Variants in ARMC2 observed in about 807,000 individuals in gnomAD.
ARMC2 encodes the protein armadillo repeat-containing protein 2.
In ARMC2, 67 loss-of-function variants were observed where a neutral mutation model predicts 90.3. The observed-to-expected ratio is 0.74, with a 90% CI of 0.61 to 0.91. The LOEUF is 0.91. Ranked by LOEUF, ARMC2 falls within the 40% of genes least tolerant of loss-of-function variation. The probability of loss-of-function intolerance (pLI) is 0.00; values close to 1 mark genes in which losing one functional copy is unlikely to be tolerated. For missense variants in ARMC2, 920 were observed against 1,030.9 expected (o/e 0.89, Z 1.47); for synonymous variants, 393 against 393.0 (o/e 1.00, Z 0.00).
chr6:108,886,292 T>A (rs1778091611), intron 5 of ARMC2, among the ~76,000 whole-genome samples: 1 of 152,212 alleles, frequency 6.6e-6, no homozygotes, highest in African/African-American at 2.4e-5. Flanking sequence ...GTCCGGTGGC[T>A]CACGCCTGTA....
At chr6:108,952,721 G>A (rs1253797267) in intron 12 of ARMC2, among the ~76,000 whole-genome samples, 5 of 152,188 alleles carry the variant, frequency 3.3e-5, no homozygotes, top group Admixed American at 2.6e-4. Flanking sequence ...TAGTAATGCT[G>A]TCCCACTCAA....
At position 108,928,070 on chromosome 6, in the gene ARMC2, A is replaced by G. The variant is rs746990258; in HGVS notation, c.1351-18A>G. ...TTTTCAGTTCAAAAAAAATGGCACA[A>G]GCATGCTTTTATCCTAGGTGACTGC... On this transcript the variant is annotated intron_variant, in intron 10 of 17. Transcript: ENST00000392644. 6.3e-7 allele frequency: 1 copy of G among 1,588,200 alleles called. No individual in the cohort carries two copies. The highest frequency in any genetic ancestry group is 1.2e-5 in the South Asian group (1 of 86,422).
At chr6:108,868,113 C>A (rs1173415515) in intron 3 of ARMC2, among the ~76,000 whole-genome samples, 2 of 151,610 alleles carry the variant, frequency 1.3e-5, no homozygotes, top group Admixed American at 6.6e-5. Flanking sequence ...CCACATAATT[C>A]TTGGTACATG....
the ARMC2 span, among the ~76,000 whole-genome samples, chr6:109,035,883 C>T: frequency 1.3e-5 from 2 of 152,196 alleles, no homozygotes; most frequent in East Asian, 1.9e-4. Flanking sequence ...GCTGGGATTA[C>T]AGACGTGACC....
At chr6:108,947,224 A>G (rs1193860875) in intron 12 of ARMC2, among the ~76,000 whole-genome samples, 1 of 152,012 alleles carries the variant, frequency 6.6e-6, no homozygotes, top group Non-Finnish European at 1.5e-5. Flanking sequence ...GGGATGAGAT[A>G]GAGAGGAATC....
At chr6:109,051,857 C>A in the ARMC2 span, among the ~76,000 whole-genome samples, 1 of 152,180 alleles carries the variant, frequency 6.6e-6, no homozygotes, top group South Asian at 2.1e-4. Context: ...CGAACAAAGG[C>A]AAGTTAGCCA....
Position 108,973,666 on chromosome 6 carries a change from A to G in ARMC2, c.*152A>G. ...AGTAGCTGAAGTATTTTTTAAAATT[A>G]AGCATTTCTTCTTGTTAGGTATTAT... On this transcript the variant is annotated 3_prime_UTR_variant, in exon 18 of 18. Coordinates refer to ENST00000392644, the MANE Select transcript of ARMC2 (RefSeq NM_032131.6). 1.4e-6 allele frequency: 1 copy of G among 701,538 alleles called. No homozygotes were observed. 43.5% of individuals were successfully genotyped at this position (701,538 alleles called of 1,614,324 possible).
chr6:108,912,579 C>T (rs1235189473), intron 10 of ARMC2, 21 bp downstream of exon 10: 2 of 1,579,154 alleles, frequency 1.3e-6, no homozygotes, highest in African/African-American at 2.7e-5. Context: ...TACTTGAAAA[C>T]GTTAGATGTG....
the ARMC2 span, chr6:109,008,932 A>C: frequency 1.0e-6 from 1 of 989,806 alleles, no homozygotes; most frequent in Non-Finnish European, 1.2e-6. Context: ...AAGGTGGCTA[A>C]ATAATCTGTT....
At chr6:108,955,281 A>G (rs1225469398) in intron 13 of ARMC2, among the ~76,000 whole-genome samples, 2 of 152,078 alleles carry the variant, frequency 1.3e-5, no homozygotes, top group Non-Finnish European at 2.9e-5. Flanking sequence ...ACAGACAAGA[A>G]CCCCAGTTTC....
chr6:108,956,035 G>A (rs1777558078), intron 13 of ARMC2, among the ~76,000 whole-genome samples: 1 of 152,200 alleles, frequency 6.6e-6, no homozygotes, highest in South Asian at 2.1e-4. Context: ...CCCATTAAGT[G>A]TTGAGACCCA....
At chr6:108,961,196 G>A (rs780924765) in intron 13 of ARMC2, among the ~76,000 whole-genome samples, 10 of 152,130 alleles carry the variant, frequency 6.6e-5, no homozygotes, top group Non-Finnish European at 1.3e-4. Flanking sequence ...AGACTCCAAG[G>A]AGGAGCCCCT....
the ARMC2 span, chr6:109,008,697 G>A: frequency 1.2e-6 from 1 of 817,918 alleles, no homozygotes; most frequent in Middle Eastern, 6.2e-4. Flanking sequence ...CTTTCAAATG[G>A]TTTCCTATTT....
the ARMC2 span, among the ~76,000 whole-genome samples, chr6:109,046,682 G>C: frequency 8.7e-4 from 118 of 135,376 alleles, no homozygotes; most frequent in African/African-American, 3.2e-3. Flanking sequence ...AGTGAGGAGC[G>C]TCTCTGCCCG....
intron 5 of ARMC2, chr6:108,880,127 A>G (rs1777376750): frequency 1.4e-5 from 5 of 366,830 alleles, no homozygotes; most frequent in Middle Eastern, 8.8e-4. Flanking sequence ...AACAACAACA[A>G]AAAAATGGCT....
intron 3 of ARMC2, among the ~76,000 whole-genome samples, chr6:108,859,349 G>A (rs116065702): frequency 3.9e-5 from 6 of 152,028 alleles, no homozygotes; most frequent in South Asian, 2.1e-4. Flanking sequence ...TGGCTTTTTC[G>A]TGGTTCTTAT....
intron 5 of ARMC2, among the ~76,000 whole-genome samples, chr6:108,881,714 GT>G (rs952251993): frequency 1.3e-5 from 2 of 152,084 alleles, no homozygotes; most frequent in Non-Finnish European, 2.9e-5. Context: ...GTATGTGTGT[GT>G]TTTGGGGGAG....
the ARMC2 span, among the ~76,000 whole-genome samples, chr6:109,030,379 T>A: frequency 1.3e-5 from 2 of 152,174 alleles, no homozygotes; most frequent in Admixed American, 6.5e-5. Flanking sequence ...TGTAAAGGTG[T>A]AGATTGCTAG....
At chr6:108,909,747 G>C (rs1773218205) in intron 8 of ARMC2, among the ~76,000 whole-genome samples, 1 of 152,076 alleles carries the variant, frequency 6.6e-6, no homozygotes, top group Non-Finnish European at 1.5e-5. Flanking sequence ...CGTTGGTCAG[G>C]CTGGTCTCGA....
Sources: allele counts gnomAD v4.1 joint callset (sites outside exome capture counted in the v4.1 genomes callset), GRCh38; gene constraint gnomAD v4.1.1; transcripts MANE v1.5; gene names NCBI Gene and HGNC (gene_info 2026-07-23, HGNC 2026-07-21).